KLRG1: variants seen among roughly 807,000 people sequenced by gnomAD.
KLRG1 encodes killer cell lectin like receptor G1.
In KLRG1, 16 loss-of-function variants were observed where a neutral mutation model predicts 21.8. That is an observed-to-expected ratio of 0.73 (90% CI 0.50 to 1.11). The LOEUF (loss-of-function observed/expected upper bound fraction) is 1.11. KLRG1 is among the 50% of genes most tolerant of loss of function. The pLI is 0.00. For synonymous variants in KLRG1, 69 were observed against 75.9 expected (o/e 0.91, Z 0.47); for missense variants, 173 against 218.3 (o/e 0.79, Z 1.31).
At chr12:8,965,862 A>G (rs1212785103) in intron 1 of KLRG1, among the ~76,000 whole-genome samples, 2 of 151,368 alleles carry the variant, frequency 1.3e-5, no homozygotes, top group Admixed American at 1.3e-4. Context: ...GGAACCAAAA[A>G]AGAGTCCACA....
the KLRG1 span, among the ~76,000 whole-genome samples, chr12:9,026,713 G>A: frequency 6.6e-6 from 1 of 151,590 alleles, no homozygotes; most frequent in East Asian, 1.9e-4. Flanking sequence ...TTATCAATAT[G>A]TAGGCACTCT....
the KLRG1 span, chr12:9,149,409 G>T: frequency 2.9e-5 from 20 of 681,932 alleles, no homozygotes; most frequent in African/African-American, 2.7e-4. Context: ...TACAGAATAG[G>T]CATGCTACGC....
the KLRG1 span, among the ~76,000 whole-genome samples, chr12:9,205,019 G>A: frequency 2.6e-5 from 4 of 152,208 alleles, no homozygotes; most frequent in South Asian, 6.2e-4. Context: ...GATCACTTAA[G>A]CCCACGAGGT....
chr12:8,961,118 A>G (rs949781402), intron 1 of KLRG1, among the ~76,000 whole-genome samples: 1 of 152,220 alleles, frequency 6.6e-6, no homozygotes, highest in South Asian at 2.1e-4. Flanking sequence ...GTTGCACAGC[A>G]TCCATCTGGC....
chr12:9,101,803 G>T, the KLRG1 span: 1 of 747,056 alleles, frequency 1.3e-6, no homozygotes, highest in East Asian at 2.7e-5. Context: ...ACAATGAAAA[G>T]TGGGAGAAGG....
the KLRG1 span, among the ~76,000 whole-genome samples, chr12:9,205,716 C>T: frequency 2.0e-5 from 3 of 152,150 alleles, no homozygotes; most frequent in South Asian, 6.2e-4. Context: ...TATTTTACTA[C>T]CCTTACTTTC....
the KLRG1 span, among the ~76,000 whole-genome samples, chr12:9,183,078 A>G: frequency 6.6e-6 from 1 of 152,258 alleles, no homozygotes; most frequent in South Asian, 2.1e-4. Flanking sequence ...AAGGACAATT[A>G]GAATTGTAGA....
chr12:9,021,803 C>T, the KLRG1 span, among the ~76,000 whole-genome samples: 1 of 152,184 alleles, frequency 6.6e-6, no homozygotes, highest in Admixed American at 6.5e-5. Flanking sequence ...TCTTGTCCCA[C>T]TGGAAGGCCT....
the KLRG1 span, among the ~76,000 whole-genome samples, chr12:9,041,927 G>A: frequency 6.6e-6 from 1 of 152,152 alleles, no homozygotes; most frequent in Non-Finnish European, 1.5e-5. Context: ...TACTATGAAA[G>A]GCTGATGATT....
chr12:9,101,452 A>T, the KLRG1 span: 1 of 1,611,606 alleles, frequency 6.2e-7, no homozygotes, highest in Non-Finnish European at 8.5e-7. Context: ...CTCACCAGAT[A>T]ATAGAAGGAG....
the KLRG1 span, chr12:9,072,444 G>A: frequency 6.2e-7 from 1 of 1,613,252 alleles, no homozygotes; most frequent in South Asian, 1.1e-5. Context: ...AAAGCAAAGG[G>A]GAACTCTTCC....
the KLRG1 span, chr12:9,162,689 C>T: frequency 6.8e-7 from 1 of 1,475,928 alleles, no homozygotes; most frequent in Non-Finnish European, 9.4e-7. Context: ...ATAGAAACAT[C>T]CTGGTGACAA....
chr12:9,131,366 G>C, the KLRG1 span, among the ~76,000 whole-genome samples: 1 of 152,142 alleles, frequency 6.6e-6, no homozygotes, highest in Non-Finnish European at 1.5e-5. Context: ...AATATATGTT[G>C]GGGACAGCTT....
At chr12:8,997,406 C>A (rs1437949274) in intron 3 of KLRG1, among the ~76,000 whole-genome samples, 1 of 152,074 alleles carries the variant, frequency 6.6e-6, no homozygotes, top group Non-Finnish European at 1.5e-5. Flanking sequence ...TGTTATTATT[C>A]TTTTGTTCTC....
At chr12:9,110,585 T>C in the KLRG1 span, among the ~76,000 whole-genome samples, 2 of 151,704 alleles carry the variant, frequency 1.3e-5, no homozygotes, top group Admixed American at 6.6e-5. Context: ...TTATCCATGA[T>C]TGGATAATGA....
chr12:9,102,186 A>C, the KLRG1 span, among the ~76,000 whole-genome samples: 3 of 152,090 alleles, frequency 2.0e-5, no homozygotes, highest in Non-Finnish European at 2.9e-5. Context: ...GCTGAAGTCT[A>C]CCTCTTCTGG....
At chr12:9,069,445 C>T in the KLRG1 span, among the ~76,000 whole-genome samples, 2 of 152,132 alleles carry the variant, frequency 1.3e-5, no homozygotes, top group Non-Finnish European at 2.9e-5. Context: ...ACAAGGGCTA[C>T]TTCCTTATAT....
chr12:9,072,397 G>T, the KLRG1 span: 1 of 1,613,886 alleles, frequency 6.2e-7, no homozygotes. Flanking sequence ...TGTGGGCTTT[G>T]GGTTCATCAC....
chr12:9,124,606 G>A, the KLRG1 span, among the ~76,000 whole-genome samples: 3 of 152,156 alleles, frequency 2.0e-5, no homozygotes, highest in South Asian at 2.1e-4. Context: ...GTGCAGCTGC[G>A]GCACCCTCAC....
Sources: gnomAD v4.1 joint callset for allele counts (sites outside exome capture counted in the v4.1 genomes callset) on GRCh38, gnomAD v4.1.1 for gene constraint, MANE v1.5 for transcripts, NCBI Gene and HGNC (gene_info 2026-07-23, HGNC 2026-07-21) for gene names.